SLC39A11: variants seen among roughly 807,000 people sequenced by gnomAD.
The protein encoded by SLC39A11 is zinc transporter ZIP11.
Under a neutral mutation model 36.1 loss-of-function variants are expected in SLC39A11, and 33 were observed. The observed-to-expected ratio is 0.91, with a 90% CI of 0.69 to 1.22. SLC39A11 has a LOEUF of 1.22. Among genes scored for constraint, SLC39A11 ranks in the 50% most tolerant of loss-of-function variants. The pLI is 0.00. For missense variants in SLC39A11, 432 were observed against 430.3 expected (o/e 1.00, Z -0.03); for synonymous variants, 166 against 170.3 (o/e 0.97, Z 0.20).
chr17:72,966,912 G>A (rs2087027382), intron 4 of SLC39A11, among the ~76,000 whole-genome samples: 1 of 152,170 alleles, frequency 6.6e-6, no homozygotes, highest in South Asian at 2.1e-4. Flanking sequence ...TGGAATTACT[G>A]CCTGAGCTCC....
rs372119061 is a variant in SLC39A11 at position 72,777,020 on chromosome 17, G to A, written c.602-40301C>T. Among the ~76,000 whole-genome samples, 9 of 152,272 alleles carry A rather than the reference G, an allele frequency of 5.9e-5. No homozygotes were observed. In the East Asian group the frequency reaches 1.2e-3, roughly 20 times the overall value. On this transcript the variant is annotated intron_variant, in intron 6 of 9. Transcript: ENST00000255559. The stretch of plus-strand genomic sequence containing the variant: ...TATGATCTGCCTACCTTCCTGGGGG[G>A]CCGTGAGGATTGGCTGAGGTCAAGG...
intron 4 of SLC39A11, among the ~76,000 whole-genome samples, chr17:72,985,498 C>T (rs2088670860): frequency 7.2e-6 from 1 of 139,462 alleles, no homozygotes. Context: ...CTGCAACCTC[C>T]ACCTCCCAGG....
intron 5 of SLC39A11, among the ~76,000 whole-genome samples, chr17:72,916,140 C>T (rs1445073112): frequency 6.6e-6 from 1 of 152,222 alleles, no homozygotes; most frequent in Non-Finnish European, 1.5e-5. Context: ...AATCTCAGCA[C>T]TGCATTCACC....
chr17:72,894,264 A>G (rs1417412953), intron 5 of SLC39A11, among the ~76,000 whole-genome samples: 1 of 130,568 alleles, frequency 7.7e-6, no homozygotes, highest in Non-Finnish European at 1.6e-5. Flanking sequence ...CTGGAGGCTG[A>G]GGCATGAGAA....
At chr17:72,820,658 C>A (rs898327843) in intron 6 of SLC39A11, among the ~76,000 whole-genome samples, 2 of 151,258 alleles carry the variant, frequency 1.3e-5, no homozygotes, top group African/African-American at 4.8e-5. Context: ...AGCCAGAGTG[C>A]TGGGGACACA....
At chr17:72,949,511 A>C (rs968423389) in intron 4 of SLC39A11, among the ~76,000 whole-genome samples, 1 of 151,992 alleles carries the variant, frequency 6.6e-6, no homozygotes, top group African/African-American at 2.4e-5. Flanking sequence ...AGGAAATTCC[A>C]ATCAAGGTAC....
At chr17:72,650,236 A>ACAGTGACAG (rs1180672224) in intron 7 of SLC39A11, among the ~76,000 whole-genome samples, 2 of 152,198 alleles carry the variant, frequency 1.3e-5, no homozygotes, top group Non-Finnish European at 2.9e-5. Context: ...CCTCTGCAGG[A>ACAGTGACAG]CAGTGACAGG....
chr17:72,751,938 C>G (rs778800586), intron 6 of SLC39A11, among the ~76,000 whole-genome samples: 11 of 152,010 alleles, frequency 7.2e-5, no homozygotes, highest in Non-Finnish European at 1.6e-4. Flanking sequence ...GATCCCCATT[C>G]CTCCTCCTCC....
chr17:72,786,776 G>C (rs1365966507), intron 6 of SLC39A11, among the ~76,000 whole-genome samples: 2 of 152,084 alleles, frequency 1.3e-5, no homozygotes, highest in Non-Finnish European at 2.9e-5. Context: ...CTGAGGACTG[G>C]GGTCCTAGAG....
intron 5 of SLC39A11, among the ~76,000 whole-genome samples, chr17:72,901,680 C>CG (rs535101896): frequency 1.5e-3 from 231 of 152,338 alleles, no homozygotes; most frequent in African/African-American, 5.1e-3. Context: ...CAGCAGAATG[C>CG]CTAACACCCA....
chr17:72,808,478 T>C (rs1183077097), intron 6 of SLC39A11, among the ~76,000 whole-genome samples: 1 of 152,204 alleles, frequency 6.6e-6, no homozygotes, highest in African/African-American at 2.4e-5. Context: ...GAAACTGGCT[T>C]TGTAAGACTA....
intron 6 of SLC39A11, among the ~76,000 whole-genome samples, chr17:72,786,454 C>T (rs1377384909): frequency 1.3e-5 from 2 of 152,202 alleles, no homozygotes; most frequent in African/African-American, 4.8e-5. Context: ...ATTTTATACA[C>T]CCCATCTTGC....
intron 6 of SLC39A11, among the ~76,000 whole-genome samples, chr17:72,758,747 C>T (rs761487104): frequency 5.9e-5 from 9 of 152,256 alleles, no homozygotes; most frequent in Non-Finnish European, 1.3e-4. Flanking sequence ...GGACTTCACA[C>T]TGTGTGAGAC....
intron 4 of SLC39A11, among the ~76,000 whole-genome samples, chr17:72,982,380 T>C (rs1306795304): frequency 1.3e-5 from 2 of 152,194 alleles, no homozygotes; most frequent in African/African-American, 4.8e-5. Context: ...CTATCTGATG[T>C]GGTCCAAACT....
intron 7 of SLC39A11, among the ~76,000 whole-genome samples, chr17:72,726,480 C>T (rs1034508755): frequency 2.6e-5 from 4 of 152,036 alleles, no homozygotes; most frequent in South Asian, 2.1e-4. Flanking sequence ...CACTGCACTG[C>T]GGCCTGAGCA....
chr17:72,799,489 C>T (rs1360161656), intron 6 of SLC39A11, among the ~76,000 whole-genome samples: 1 of 152,030 alleles, frequency 6.6e-6, no homozygotes, highest in Non-Finnish European at 1.5e-5. Flanking sequence ...TATAAACAGA[C>T]GTGCAAGTAG....
intron 6 of SLC39A11, among the ~76,000 whole-genome samples, chr17:72,751,571 C>T (rs544672816): frequency 6.6e-6 from 1 of 152,280 alleles, no homozygotes; most frequent in African/African-American, 2.4e-5. Context: ...CACCACCCAT[C>T]TCCAGAGCTC....
chr17:73,074,960 ACT>A (rs1013005250), intron 3 of SLC39A11, among the ~76,000 whole-genome samples: 4 of 152,336 alleles, frequency 2.6e-5, no homozygotes, highest in African/African-American at 9.6e-5. Flanking sequence ...TAGAATATGC[ACT>A]GATACAGAGA....
intron 4 of SLC39A11, among the ~76,000 whole-genome samples, chr17:73,026,123 G>C (rs1337741072): frequency 1.3e-5 from 2 of 149,968 alleles, no homozygotes; most frequent in Non-Finnish European, 3.0e-5. Flanking sequence ...CCTCGGAAGA[G>C]AGAGAAGAGA....
Sources: allele counts gnomAD v4.1 joint callset (sites outside exome capture counted in the v4.1 genomes callset), GRCh38; gene constraint gnomAD v4.1.1; transcripts MANE v1.5; gene names NCBI Gene and HGNC (gene_info 2026-07-23, HGNC 2026-07-21).